Variants in SCLT1 observed in about 807,000 individuals in gnomAD.
The protein encoded by SCLT1 is sodium channel and clathrin linker 1, also known as sodium channel-associated protein 1.
Under a neutral mutation model 112.8 loss-of-function variants are expected in SCLT1, and 78 were observed. The ratio of observed to expected loss-of-function variants is 0.69; its 90% CI spans 0.58 to 0.83. The LOEUF is 0.83. SCLT1 is among the 40% of genes least tolerant of loss of function. SCLT1 has a pLI of 0.00. For missense variants in SCLT1, 747 were observed against 770.4 expected (o/e 0.97, Z 0.36); for synonymous variants, 257 against 254.7 (o/e 1.01, Z -0.09).
chr4:128,929,291 G>T (rs1328654697), intron 18 of SCLT1, among the ~76,000 whole-genome samples: 3 of 152,156 alleles, frequency 2.0e-5, no homozygotes, highest in Admixed American at 6.5e-5. Flanking sequence ...GAACTTTACT[G>T]AGACATTAAA....
In SCLT1 at chr4:128,943,086, T is replaced by C. The variant is rs771808138; in HGVS notation, c.1542A>G (p.Leu514=). The C allele has an allele frequency of 6.2e-7, 1 of 1,613,216 alleles. No individual in the cohort carries two copies. The highest frequency in any genetic ancestry group is 8.5e-7 in the Non-Finnish European group (1 of 1,179,352). ...ACTGTTTATTTTCTTGCTGAAGTTT[T>C]AGCCTTTGTTCACTGACAAGCCCAC... The part of the protein sequence containing the change: ...ENCGLVSEQR[L]KLQQENKQLR... The change falls in exon 17 of 21, where the codon CTA becomes CTG. Residue 514 remains leucine (L), a synonymous_variant. Transcript: ENST00000281142.
intron 13 of SCLT1, among the ~76,000 whole-genome samples, chr4:128,953,214 C>T (rs1335974292): frequency 6.6e-6 from 1 of 152,156 alleles, no homozygotes; most frequent in Non-Finnish European, 1.5e-5. Context: ...ACCGATTAAC[C>T]TGAACAATAT....
At chr4:128,967,818 AG>A (rs1391956850) in intron 10 of SCLT1, among the ~76,000 whole-genome samples, 1 of 152,012 alleles carries the variant, frequency 6.6e-6, no homozygotes, top group East Asian at 1.9e-4. Flanking sequence ...CTCTGTTGAT[AG>A]TTTCCTTTGG....
Position 129,057,003 on chromosome 4 carries a change from T to C in SCLT1, c.103-12952A>G, listed in dbSNP as rs187497639. ...TGGTCTTAATTGGGCTGAGATACATTACTTTTACACCTAATGTGTTGAACG... is the reference window on the plus strand; with the variant it reads ...TGGTCTTAATTGGGCTGAGATACATCACTTTTACACCTAATGTGTTGAACG... On this transcript the variant is annotated intron_variant, in intron 2 of 20. Transcript: ENST00000281142. 8.5e-5 allele frequency among the ~76,000 whole-genome samples: 13 copies of C among 152,358 alleles called. No individual in the cohort carries two copies. In the East Asian group the frequency reaches 2.5e-3, roughly 29 times the overall value.
intron 9 of SCLT1, among the ~76,000 whole-genome samples, chr4:128,987,114 C>T (rs754666515): frequency 1.3e-5 from 2 of 152,122 alleles, no homozygotes; most frequent in African/African-American, 4.8e-5. Flanking sequence ...TCTGAAATGG[C>T]TTCTGCAATG....
intron 15 of SCLT1, 22 bp downstream of exon 15, chr4:128,948,474 T>C (rs1181235190): frequency 1.2e-6 from 2 of 1,602,198 alleles, no homozygotes; most frequent in South Asian, 1.1e-5. Context: ...TTTAGGTAGT[T>C]ATATTTCCTT....
At chr4:129,092,470 T>C (rs1322572794) in intron 1 of SCLT1, among the ~76,000 whole-genome samples, 3 of 152,232 alleles carry the variant, frequency 2.0e-5, no homozygotes, top group East Asian at 3.8e-4. Flanking sequence ...AATCGTGTAA[T>C]AGTTAATATT....
chr4:128,900,459 A>G (rs1013904748), intron 18 of SCLT1, among the ~76,000 whole-genome samples: 102 of 152,040 alleles, frequency 6.7e-4, no homozygotes, highest in Admixed American at 1.3e-3. Context: ...GGTGCTGGGA[A>G]AACTGGCTAG....
intron 5 of SCLT1, among the ~76,000 whole-genome samples, chr4:129,036,223 T>A (rs796268263): frequency 6.6e-6 from 1 of 152,086 alleles, no homozygotes; most frequent in African/African-American, 2.4e-5. Context: ...TCCATTTTTT[T>A]ACACTTTCCT....
intron 18 of SCLT1, among the ~76,000 whole-genome samples, chr4:128,929,702 C>T (rs1253062694): frequency 6.6e-6 from 1 of 152,078 alleles, no homozygotes; most frequent in African/African-American, 2.4e-5. Flanking sequence ...CATATGAACA[C>T]AAATTATGAC....
intron 20 of SCLT1, among the ~76,000 whole-genome samples, chr4:128,888,100 T>C (rs1733023648): frequency 6.6e-6 from 1 of 152,182 alleles, no homozygotes; most frequent in Admixed American, 6.5e-5. Flanking sequence ...GAAATCTGAC[T>C]AGTATGATGG....
chr4:128,925,357 T>G (rs923945030), intron 18 of SCLT1, among the ~76,000 whole-genome samples: 2 of 152,224 alleles, frequency 1.3e-5, no homozygotes, highest in Non-Finnish European at 2.9e-5. Flanking sequence ...TCTTTTTTTT[T>G]TTGGAGCTGG....
intron 15 of SCLT1, among the ~76,000 whole-genome samples, chr4:128,947,714 GA>G (rs1361689482): frequency 6.6e-6 from 1 of 152,122 alleles, no homozygotes; most frequent in Admixed American, 6.5e-5. Context: ...AAAAGCATAT[GA>G]AAGAGATGAA....
At chr4:129,057,505 C>T (rs1579878415) in intron 2 of SCLT1, among the ~76,000 whole-genome samples, 2 of 140,124 alleles carry the variant, frequency 1.4e-5, no homozygotes, top group Non-Finnish European at 3.0e-5. Context: ...TAATATTATT[C>T]TTTAAATGTT....
chr4:128,876,874 TG>T (rs1347223527), intron 3 of SCLT1, among the ~76,000 whole-genome samples: 2 of 152,362 alleles, frequency 1.3e-5, no homozygotes, highest in East Asian at 3.9e-4. Flanking sequence ...GAGTCCTTTA[TG>T]AATTCTTCAA....
chr4:128,990,492 A>G (rs1159261651), intron 9 of SCLT1, among the ~76,000 whole-genome samples: 4 of 151,962 alleles, frequency 2.6e-5, no homozygotes, highest in Non-Finnish European at 4.4e-5. Context: ...TATCATACTG[A>G]ATGGGGAAAA....
chr4:128,895,421 T>G (rs17013909), intron 18 of SCLT1, among the ~76,000 whole-genome samples: 1 of 152,236 alleles, frequency 6.6e-6, no homozygotes, highest in African/African-American at 2.4e-5. Flanking sequence ...CACACTTCAG[T>G]TGGGCTCTCA....
intron 15 of SCLT1, among the ~76,000 whole-genome samples, chr4:128,947,362 C>G (rs1443728102): frequency 2.0e-5 from 3 of 152,076 alleles, no homozygotes; most frequent in East Asian, 3.9e-4. Flanking sequence ...ACCCACCTTG[C>G]AGGAGAGTGG....
Position 128,965,299 on chromosome 4 carries a change from GC to G in SCLT1, c.796del (p.Ala266ProfsTer19). ...ATCTGATGCTTCCTCTCTTCCATGG[GC>G]AGACACCACATCCTTCTCCTAGAAA... Reference protein sequence around the residue: ...MKKKEKDVVSAHGREEASDRR... With the variant: ...MKKKEKDVVSXHGREEASDRR... On this transcript the variant is annotated frameshift_variant, in exon 11 of 21. Transcript: ENST00000281142. LOFTEE classifies it high-confidence loss of function. 1 of 1,607,132 alleles carries G rather than the reference GC, an allele frequency of 6.2e-7. No homozygotes were observed. Among genetic ancestry groups the G allele is most frequent in the Non-Finnish European group, 8.5e-7 (1 of 1,174,024 alleles).
Sources: gnomAD v4.1 joint callset for allele counts (sites outside exome capture counted in the v4.1 genomes callset) on GRCh38, gnomAD v4.1.1 for gene constraint, MANE v1.5 for transcripts, NCBI Gene and HGNC (gene_info 2026-07-23, HGNC 2026-07-21) for gene names.